The following ADAMTSL1 variants were observed in gnomAD, a reference collection of about 807,000 sequenced individuals.
ADAMTSL1 encodes ADAMTS like 1.
A neutral mutation model predicts 201.8 loss-of-function variants in ADAMTSL1; 126 were observed. The ratio of observed to expected loss-of-function variants is 0.62; its 90% CI spans 0.54 to 0.72. The LOEUF is 0.72. Ranked by LOEUF, ADAMTSL1 falls within the 30% of genes least tolerant of loss-of-function variation. ADAMTSL1 has a pLI of 0.00. For synonymous variants in ADAMTSL1, 1,121 were observed against 903.4 expected (o/e 1.24, Z -4.32); for missense variants, 2,679 against 2,277.8 (o/e 1.18, Z -3.59).
At chr9:18,492,643 A>G (rs1398281956) in intron 1 of ADAMTSL1, among the ~76,000 whole-genome samples, 1 of 152,216 alleles carries the variant, frequency 6.6e-6, no homozygotes, top group Non-Finnish European at 1.5e-5. Context: ...AAATAACTCT[A>G]TGAGTTACAC....
At chr9:18,632,662 A>G (rs541650901) in intron 5 of ADAMTSL1, among the ~76,000 whole-genome samples, 1 of 152,266 alleles carries the variant, frequency 6.6e-6, no homozygotes, top group East Asian at 1.9e-4. Flanking sequence ...GGAGCCTGAC[A>G]CTAAAAGACA....
At chr9:17,927,516 C>G (rs1011340243) in intron 1 of ADAMTSL1, among the ~76,000 whole-genome samples, 2 of 151,482 alleles carry the variant, frequency 1.3e-5, no homozygotes, top group African/African-American at 4.8e-5. Flanking sequence ...ATATATGGCC[C>G]TCTGTATCTA....
intron 20 of ADAMTSL1, among the ~76,000 whole-genome samples, chr9:18,808,077 A>G (rs1284202961): frequency 6.6e-6 from 1 of 152,178 alleles, no homozygotes; most frequent in Non-Finnish European, 1.5e-5. Context: ...AAAAATTGTA[A>G]TAGAGATCTA....
chr9:18,650,442 A>G (rs950248730), intron 7 of ADAMTSL1, among the ~76,000 whole-genome samples: 2 of 151,986 alleles, frequency 1.3e-5, no homozygotes, highest in Non-Finnish European at 2.9e-5. Context: ...AGATGAACCC[A>G]GTACCTCAGA....
chr9:18,413,425 A>C (rs1818538136), intron 2 of ADAMTSL1, among the ~76,000 whole-genome samples: 1 of 152,146 alleles, frequency 6.6e-6, no homozygotes, highest in Non-Finnish European at 1.5e-5. Context: ...TCAGCCTCCC[A>C]AACTGGTGGG....
chr9:18,067,621 A>G (rs1416984816), intron 1 of ADAMTSL1, among the ~76,000 whole-genome samples: 1 of 152,226 alleles, frequency 6.6e-6, no homozygotes, highest in Non-Finnish European at 1.5e-5. Context: ...TAATATGAAG[A>G]GATATTATTC....
At chr9:18,118,942 T>C (rs1199284293) in intron 1 of ADAMTSL1, among the ~76,000 whole-genome samples, 9 of 152,172 alleles carry the variant, frequency 5.9e-5, no homozygotes, top group Non-Finnish European at 1.5e-5. Flanking sequence ...AGTATTTTAA[T>C]GCAGCAAACA....
intron 9 of ADAMTSL1, among the ~76,000 whole-genome samples, chr9:18,670,436 C>G (rs1201316410): frequency 6.6e-6 from 1 of 152,156 alleles, no homozygotes; most frequent in Non-Finnish European, 1.5e-5. Flanking sequence ...CTCACATCAG[C>G]CAATCACCCC....
At chr9:18,726,490 A>G (rs964136559) in intron 15 of ADAMTSL1, among the ~76,000 whole-genome samples, 3 of 151,850 alleles carry the variant, frequency 2.0e-5, no homozygotes, top group Non-Finnish European at 4.4e-5. Context: ...TTGCCTGGGT[A>G]ACAGAGTGAG....
chr9:18,618,396 A>G (rs1181089035), intron 4 of ADAMTSL1, among the ~76,000 whole-genome samples: 1 of 152,074 alleles, frequency 6.6e-6, no homozygotes. Context: ...CAAATGTCTG[A>G]TACTGGGCTG....
At chr9:18,808,631 A>G (rs576493277) in intron 20 of ADAMTSL1, among the ~76,000 whole-genome samples, 157 of 152,372 alleles carry the variant, frequency 1.0e-3, no homozygotes, top group Non-Finnish European at 1.8e-3. Context: ...GTGACTCTAA[A>G]GCTCTCTGGT....
In ADAMTSL1 at chr9:18,488,405, G is replaced by A. The variant is rs1013578606; in HGVS notation, c.63+14110G>A. Among the ~76,000 whole-genome samples the A allele has an allele frequency of 7.2e-5, 11 of 152,046 alleles. No individual in the cohort carries two copies. In the East Asian group the frequency reaches 1.5e-3, roughly 21 times the overall value. On this transcript the variant is annotated intron_variant, in intron 1 of 28. Coordinates refer to ENST00000380548, the MANE Select transcript of ADAMTSL1 (RefSeq NM_001040272.6). ...CACTTGTTAAAATTATGAAGGCTCC[G>A]GCCCCTCCTACTTCAATGAGTATAG...
At chr9:18,584,339 C>G (rs370839204) in intron 4 of ADAMTSL1, among the ~76,000 whole-genome samples, 74 of 151,196 alleles carry the variant, frequency 4.9e-4, no homozygotes, top group African/African-American at 1.7e-3. Flanking sequence ...TGTGAGATGT[C>G]CCTGTCACCT....
intron 2 of ADAMTSL1, among the ~76,000 whole-genome samples, chr9:18,292,804 T>G (rs1415270974): frequency 6.6e-6 from 1 of 152,178 alleles, no homozygotes; most frequent in Non-Finnish European, 1.5e-5. Flanking sequence ...TTTTGAGGTT[T>G]TGGGACTGAG....
intron 1 of ADAMTSL1, among the ~76,000 whole-genome samples, chr9:17,950,001 C>T (rs1827668696): frequency 6.6e-6 from 1 of 152,098 alleles, no homozygotes; most frequent in Admixed American, 6.6e-5. Context: ...TCACTGCAAC[C>T]TCTGTCTCCC....
At chr9:18,254,278 G>T (rs1356867622) in intron 2 of ADAMTSL1, among the ~76,000 whole-genome samples, 1 of 150,648 alleles carries the variant, frequency 6.6e-6, no homozygotes, top group East Asian at 2.0e-4. Flanking sequence ...CGGACGGGTG[G>T]CCACGTTTTC....
chr9:18,309,189 A>T (rs1834022990), intron 2 of ADAMTSL1, among the ~76,000 whole-genome samples: 1 of 152,194 alleles, frequency 6.6e-6, no homozygotes, highest in Non-Finnish European at 1.5e-5. Flanking sequence ...ATGTATCTCA[A>T]AATAATAAGA....
At chr9:18,399,658 C>T (rs1195166155) in intron 2 of ADAMTSL1, among the ~76,000 whole-genome samples, 1 of 151,940 alleles carries the variant, frequency 6.6e-6, no homozygotes, top group African/African-American at 2.4e-5. Context: ...GCTACTTTAC[C>T]TTTATTTTAA....
chr9:18,513,108 C>G (rs1374514554), intron 2 of ADAMTSL1, among the ~76,000 whole-genome samples: 2 of 152,170 alleles, frequency 1.3e-5, no homozygotes, highest in Non-Finnish European at 2.9e-5. Flanking sequence ...CTAATTCCCT[C>G]TTGGTTATTT....
Sources: allele counts gnomAD v4.1 joint callset (sites outside exome capture counted in the v4.1 genomes callset), GRCh38; gene constraint gnomAD v4.1.1; transcripts MANE v1.5; gene names NCBI Gene and HGNC (gene_info 2026-07-23, HGNC 2026-07-21).